Variants in DPYD observed in about 807,000 individuals in gnomAD.
DPYD encodes the protein dihydropyrimidine dehydrogenase, also known as dihydropyrimidine dehydrogenase [NADP(+)].
A neutral mutation model predicts 116.2 loss-of-function variants in DPYD; 109 were observed. That is an observed-to-expected ratio of 0.94 (90% CI 0.80 to 1.10). The LOEUF (loss-of-function observed/expected upper bound fraction) is 1.10. Ranked by LOEUF, DPYD falls within the 50% of genes least tolerant of loss-of-function variation. DPYD has a pLI of 0.00. For synonymous variants in DPYD, 440 were observed against 432.0 expected (o/e 1.02, Z -0.23); for missense variants, 1,302 against 1,254.5 (o/e 1.04, Z -0.57).
At chr1:97,091,568 C>A (rs572259353) in intron 21 of DPYD, among the ~76,000 whole-genome samples, 1 of 152,098 alleles carries the variant, frequency 6.6e-6, no homozygotes, top group Non-Finnish European at 1.5e-5. Context: ...TTAATATCAA[C>A]GTGGACTGAA....
In DPYD at chr1:97,573,790, C is replaced by T. The variant is rs2102182533; in HGVS notation, c.1309G>A (p.Ala437Thr). Residue 437 changes from alanine (A) to threonine (T), a missense_variant, in exon 11 of 23, where the codon GCC becomes ACC. By Grantham distance (58) the Ala-to-Thr change is moderately conservative. Coordinates refer to ENST00000370192, the MANE Select transcript of DPYD (RefSeq NM_000110.4). ...VHLKADVVIS[A>T]FGSVLSDPKV... ...GGATCACTCAGAACTGAACCAAAGG[C>T]ACTGATGACCACATCGGCTTTCAGA... 1 of 1,613,612 alleles carries T rather than the reference C, an allele frequency of 6.2e-7. No individual in the cohort carries two copies. The highest frequency in any genetic ancestry group is 8.5e-7 in the Non-Finnish European group (1 of 1,179,600).
intron 10 of DPYD, among the ~76,000 whole-genome samples, chr1:97,577,100 T>G (rs1332879683): frequency 2.0e-5 from 3 of 152,186 alleles, no homozygotes; most frequent in African/African-American, 7.2e-5. Context: ...CAGGGTAAAC[T>G]TGTATAGTGA....
At chr1:97,198,222 G>A (rs1038145924) in intron 19 of DPYD, among the ~76,000 whole-genome samples, 1 of 152,046 alleles carries the variant, frequency 6.6e-6, no homozygotes, top group African/African-American at 2.4e-5. Context: ...ACCACACTTA[G>A]AACAGCAAAG....
chr1:97,469,686 C>A (rs370948065), intron 13 of DPYD, among the ~76,000 whole-genome samples: 1 of 152,076 alleles, frequency 6.6e-6, no homozygotes, highest in Non-Finnish European at 1.5e-5. Context: ...AACCATAACA[C>A]CATATTATGA....
At chr1:97,754,376 A>G (rs535508599) in intron 3 of DPYD, among the ~76,000 whole-genome samples, 17 of 152,240 alleles carry the variant, frequency 1.1e-4, no homozygotes, top group Admixed American at 1.1e-3. Context: ...GAAAATAAAA[A>G]AGCTAAGGGC....
At chr1:97,669,237 G>GTC (rs1659729705) in intron 8 of DPYD, among the ~76,000 whole-genome samples, 1 of 151,982 alleles carries the variant, frequency 6.6e-6, no homozygotes, top group African/African-American at 2.4e-5. Context: ...AAGTCAAAAC[G>GTC]TTGTTTTAAA....
chr1:97,850,724 T>G (rs1670528866), intron 2 of DPYD, among the ~76,000 whole-genome samples: 1 of 149,864 alleles, frequency 6.7e-6, no homozygotes, highest in Admixed American at 6.7e-5. Flanking sequence ...TAGAATTCGG[T>G]CACCTATTTT....
At chr1:97,233,123 T>G (rs1661685299) in intron 19 of DPYD, among the ~76,000 whole-genome samples, 1 of 152,162 alleles carries the variant, frequency 6.6e-6, no homozygotes. Flanking sequence ...TTACTTGGCT[T>G]TCTTGGACAC....
chr1:97,616,298 C>T (rs191425388), intron 8 of DPYD, among the ~76,000 whole-genome samples: 113 of 152,220 alleles, frequency 7.4e-4, no homozygotes, highest in Non-Finnish European at 1.3e-3. Context: ...TATTGTCACA[C>T]TTTTCTCAGC....
chr1:97,646,118 C>G (rs1056943974), intron 8 of DPYD, among the ~76,000 whole-genome samples: 6 of 152,064 alleles, frequency 3.9e-5, no homozygotes, highest in Non-Finnish European at 1.5e-5. Context: ...CAGGGCAAGT[C>G]TTTTCAAAGT....
At chr1:97,546,270 C>G in intron 12 of DPYD, 1 of 1,461,316 alleles carries the variant, frequency 6.8e-7, no homozygotes, top group Non-Finnish European at 9.4e-7. Flanking sequence ...AAAAAAGAAA[C>G]CTTTAAAAAA....
At chr1:97,413,527 G>C (rs7543523) in intron 14 of DPYD, among the ~76,000 whole-genome samples, 29,998 of 152,034 alleles carry the variant, frequency 0.2, 3,178 homozygotes, top group East Asian at 0.38. Flanking sequence ...GCAGTGGCTT[G>C]ATCTCGGCTC....
At position 97,595,126 on chromosome 1, in the gene DPYD, C is replaced by T. The variant is rs1468997401; in HGVS notation, c.891G>A (p.Leu297=). Residue 297 remains leucine, a synonymous_variant, in exon 9 of 23, where the codon CTG becomes CTA. Coordinates refer to ENST00000370192, the MANE Select transcript of DPYD (RefSeq NM_000110.4). ...ATGTATAAAACCCCTGGTCCTGCGT[C>T]AGGCCTTGGAAGATGGCATCTTTAT... The part of the protein sequence containing the change: ...EPNKDAIFQG[L]TQDQGFYTSK... 6.2e-7 allele frequency: 1 copy of T among 1,613,562 alleles called. No individual in the cohort carries two copies. Among genetic ancestry groups the T allele is most frequent in the African/African-American group, 1.3e-5 (1 of 74,884 alleles).
intron 22 of DPYD, among the ~76,000 whole-genome samples, chr1:97,079,635 C>G (rs1248813407): frequency 6.6e-6 from 1 of 152,010 alleles, no homozygotes; most frequent in Non-Finnish European, 1.5e-5. Flanking sequence ...TAGAAGAAAG[C>G]AGAAGAAAAA....
At chr1:97,392,063 GGAA>G (rs1272036620) in intron 14 of DPYD, among the ~76,000 whole-genome samples, 1 of 151,982 alleles carries the variant, frequency 6.6e-6, no homozygotes, top group Non-Finnish European at 1.5e-5. Flanking sequence ...CCATACAACA[GGAA>G]CACTTGGCCA....
At chr1:97,431,415 C>T (rs900846317) in intron 14 of DPYD, among the ~76,000 whole-genome samples, 9 of 151,998 alleles carry the variant, frequency 5.9e-5, no homozygotes, top group South Asian at 2.1e-4. Flanking sequence ...TGGTACCAAG[C>T]GAGTTGATGA....
At chr1:97,511,651 C>T (rs937842859) in intron 13 of DPYD, among the ~76,000 whole-genome samples, 1 of 151,784 alleles carries the variant, frequency 6.6e-6, no homozygotes, top group African/African-American at 2.4e-5. Flanking sequence ...ATAAAAGGAA[C>T]ATATTTCTAA....
At chr1:97,396,239 A>AG (rs1186079063) in intron 14 of DPYD, among the ~76,000 whole-genome samples, 1 of 151,872 alleles carries the variant, frequency 6.6e-6, no homozygotes, top group Non-Finnish European at 1.5e-5. Flanking sequence ...GACAGGAAAA[A>AG]AAAAACTTCA....
intron 14 of DPYD, among the ~76,000 whole-genome samples, chr1:97,411,771 A>G (rs1674008417): frequency 2.0e-5 from 3 of 152,188 alleles, no homozygotes; most frequent in Non-Finnish European, 4.4e-5. Context: ...GATTTAGAGT[A>G]GAAGTAGTGA....
Sources: allele counts gnomAD v4.1 joint callset (sites outside exome capture counted in the v4.1 genomes callset), GRCh38; gene constraint gnomAD v4.1.1; transcripts MANE v1.5; gene names NCBI Gene and HGNC (gene_info 2026-07-23, HGNC 2026-07-21).